Variants in DLEU7 observed in about 807,000 individuals in gnomAD.
The protein encoded by DLEU7 is leukemia-associated protein 7.
Under a neutral mutation model 16.0 loss-of-function variants are expected in DLEU7, and 17 were observed. The ratio of observed to expected loss-of-function variants is 1.06; its 90% CI spans 0.73 to 1.59. The LOEUF is 1.59. Among genes scored for constraint, DLEU7 ranks in the 40% most tolerant of loss-of-function variants. DLEU7 has a pLI of 0.00. For missense variants in DLEU7, 308 were observed against 314.9 expected, an observed-to-expected ratio of 0.98 and a Z score of 0.17; for synonymous variants, 113 against 139.8, an observed-to-expected ratio of 0.81 and a Z score of 1.35.
intron 1 of DLEU7, among the ~76,000 whole-genome samples, chr13:50,830,472 T>C (rs1269069924): frequency 2.0e-5 from 3 of 152,228 alleles, no homozygotes; most frequent in Non-Finnish European, 4.4e-5. Flanking sequence ...TGATGAGGGC[T>C]ATGGTAAAAA....
intron 1 of DLEU7, among the ~76,000 whole-genome samples, chr13:50,808,890 A>G (rs1876478031): frequency 6.6e-6 from 1 of 152,014 alleles, no homozygotes; most frequent in African/African-American, 2.4e-5. Flanking sequence ...AAAAAAACTT[A>G]GAAAGGTCAG....
intron 1 of DLEU7, among the ~76,000 whole-genome samples, chr13:50,754,557 G>A (rs1361518530): frequency 1.3e-5 from 2 of 152,112 alleles, no homozygotes; most frequent in Admixed American, 1.3e-4. Context: ...TTAAGTTTAT[G>A]TGAGTCCTTA....
At chr13:50,837,576 A>G (rs1225695855) in intron 1 of DLEU7, among the ~76,000 whole-genome samples, 4 of 152,214 alleles carry the variant, frequency 2.6e-5, no homozygotes, top group African/African-American at 9.6e-5. Flanking sequence ...TGATTTTGTC[A>G]CAGATAATGA....
intron 1 of DLEU7, among the ~76,000 whole-genome samples, chr13:50,729,140 A>G (rs1873846691): frequency 6.6e-6 from 1 of 152,178 alleles, no homozygotes; most frequent in African/African-American, 2.4e-5. Context: ...TAAAATAAGC[A>G]TAGTACTCCA....
chr13:50,730,273 C>G (rs556116036), intron 1 of DLEU7, among the ~76,000 whole-genome samples: 38 of 151,914 alleles, frequency 2.5e-4, no homozygotes, highest in Non-Finnish European at 5.0e-4. Flanking sequence ...GTAAGCAGAT[C>G]TGAGCAACTC....
intron 1 of DLEU7, among the ~76,000 whole-genome samples, chr13:50,777,485 C>T (rs553657691): frequency 1.5e-4 from 23 of 152,316 alleles, no homozygotes; most frequent in African/African-American, 5.1e-4. Flanking sequence ...CTTTGGGACT[C>T]GGACTGGCTT....
intron 1 of DLEU7, among the ~76,000 whole-genome samples, chr13:50,799,669 C>T (rs1247333961): frequency 6.6e-6 from 1 of 152,172 alleles, no homozygotes; most frequent in Non-Finnish European, 1.5e-5. Flanking sequence ...TTAAAATGGA[C>T]TCTACAAGAC....
intron 1 of DLEU7, among the ~76,000 whole-genome samples, chr13:50,781,755 T>C (rs957056653): frequency 5.9e-5 from 9 of 152,204 alleles, no homozygotes; most frequent in Non-Finnish European, 1.3e-4. Flanking sequence ...GAAGTTGTGA[T>C]AATTTTGACA....
At position 50,763,005 on chromosome 13, in the gene DLEU7, C is replaced by A. The variant is rs539827034; in HGVS notation, c.460-49765G>T. Among the ~76,000 whole-genome samples the A allele has an allele frequency of 5.9e-5, 9 of 152,168 alleles. No homozygotes were observed. In the East Asian group the frequency reaches 1.5e-3, roughly 26 times the overall value. ...CACAAGTGCATATGTAATGGTAGCC[C>A]TAGGTCTGCTTGGGTCTTTAGGAAA... On this transcript the variant is annotated intron_variant, in intron 1 of 1. Transcript: ENST00000400393.
In DLEU7 at chr13:50,721,932, AT is replaced by A. The variant is rs533708284; in HGVS notation, c.460-8693del. Among the ~76,000 whole-genome samples the A allele has an allele frequency of 6.6e-4, 100 of 151,680 alleles. 1 individual carries two copies. In the Middle Eastern group the frequency reaches 0.01, roughly 15 times the overall value. ...AAAGGCTGAAAATATAATATTCAGC[AT>A]TTTTTTTTCATTCATTCTTCAAATA... On this transcript the variant is annotated intron_variant, in intron 1 of 1. Coordinates refer to the DLEU7 transcript ENST00000400393.
At chr13:50,831,786 A>G (rs566586990) in intron 1 of DLEU7, among the ~76,000 whole-genome samples, 1 of 152,322 alleles carries the variant, frequency 6.6e-6, no homozygotes, top group South Asian at 2.1e-4. Context: ...GCTAAGTAAC[A>G]CAGCAAGTTA....
intron 1 of DLEU7, among the ~76,000 whole-genome samples, chr13:50,781,324 C>G (rs750410944): frequency 6.6e-6 from 1 of 152,204 alleles, no homozygotes; most frequent in Non-Finnish European, 1.5e-5. Flanking sequence ...GCACATTTGA[C>G]CAGCCATCAG....
At chr13:50,768,789 G>A (rs1336228914) in intron 1 of DLEU7, among the ~76,000 whole-genome samples, 1 of 152,072 alleles carries the variant, frequency 6.6e-6, no homozygotes, top group Non-Finnish European at 1.5e-5. Flanking sequence ...TAATCCTTTG[G>A]GTATATACCC....
intron 1 of DLEU7, among the ~76,000 whole-genome samples, chr13:50,721,827 A>G (rs1371267236): frequency 1.3e-5 from 2 of 152,242 alleles, no homozygotes; most frequent in East Asian, 1.9e-4. Context: ...GGAACAACGT[A>G]ACATCCAATA....
In DLEU7 at chr13:50,758,278, G is replaced by A. The variant is rs138339062; in HGVS notation, c.460-45038C>T. 1.8e-4 allele frequency among the ~76,000 whole-genome samples: 27 copies of A among 152,106 alleles called. No homozygotes were observed. The Middle Eastern group carries it at 0.014, about 77-fold the overall frequency. On this transcript the variant is annotated intron_variant, in intron 1 of 1. Coordinates refer to the DLEU7 transcript ENST00000400393. ...TTATTGTTAACAGTGCTAAAGAAAC[G>A]TTAAAAACACTCCAAAATGTGTCTT...
chr13:50,797,620 T>A (rs1432549881), intron 1 of DLEU7, among the ~76,000 whole-genome samples: 1 of 152,186 alleles, frequency 6.6e-6, no homozygotes, highest in Non-Finnish European at 1.5e-5. Flanking sequence ...AATTGTTTAT[T>A]CTCATGGCAG....
intron 1 of DLEU7, among the ~76,000 whole-genome samples, chr13:50,742,974 G>T (rs1874293336): frequency 1.3e-5 from 2 of 152,162 alleles, no homozygotes; most frequent in African/African-American, 4.8e-5. Context: ...AATACAGGAT[G>T]CACCCCTCCA....
At chr13:50,787,481 C>A (rs1378751392) in intron 1 of DLEU7, among the ~76,000 whole-genome samples, 2 of 152,058 alleles carry the variant, frequency 1.3e-5, no homozygotes, top group Admixed American at 1.3e-4. Context: ...AAAGATGGAG[C>A]AAATCAAAGG....
At chr13:50,790,463 T>A (rs1403364802) in intron 1 of DLEU7, among the ~76,000 whole-genome samples, 2 of 136,332 alleles carry the variant, frequency 1.5e-5, no homozygotes, top group East Asian at 4.1e-4. Context: ...AAAGTAACAC[T>A]CTCCGTTTAA....
Sources: gnomAD v4.1 joint callset for allele counts (sites outside exome capture counted in the v4.1 genomes callset) on GRCh38, gnomAD v4.1.1 for gene constraint, MANE v1.5 for transcripts, NCBI Gene and HGNC (gene_info 2026-07-23, HGNC 2026-07-21) for gene names.